The following FOCAD variants were observed in gnomAD, a reference collection of about 807,000 sequenced individuals.
The protein encoded by FOCAD is focadhesin, also known as KIAA1797.
A neutral mutation model predicts 225.6 loss-of-function variants in FOCAD; 198 were observed. The observed-to-expected ratio is 0.88, with a 90% CI of 0.78 to 0.99. The LOEUF is 0.99. FOCAD is among the 50% of genes least tolerant of loss of function. The pLI is 0.00. For missense variants in FOCAD, 2,713 were observed against 2,123.6 expected (o/e 1.28, Z -5.46); for synonymous variants, 897 against 755.0 (o/e 1.19, Z -3.08).
intron 8 of FOCAD, among the ~76,000 whole-genome samples, chr9:20,773,184 C>G (rs1014829544): frequency 2.0e-5 from 3 of 152,120 alleles, no homozygotes; most frequent in Non-Finnish European, 2.9e-5. Context: ...AATTCTCTGA[C>G]CATTTTATTG....
intron 2 of FOCAD, among the ~76,000 whole-genome samples, chr9:20,674,419 T>A (rs1297123166): frequency 6.6e-6 from 1 of 152,110 alleles, no homozygotes; most frequent in Non-Finnish European, 1.5e-5. Context: ...TTCTCCCCTA[T>A]CTCTTTCCAC....
intron 15 of FOCAD, among the ~76,000 whole-genome samples, chr9:20,850,049 T>G (rs1201134537): frequency 6.6e-6 from 1 of 151,846 alleles, no homozygotes; most frequent in Non-Finnish European, 1.5e-5. Context: ...TTCCAATATT[T>G]GTAATATTTA....
In FOCAD at chr9:20,948,947, G is replaced by C; in HGVS notation, c.3876+19G>C. 2 of 1,609,060 alleles carry C rather than the reference G, an allele frequency of 1.2e-6. No homozygotes were observed. Among genetic ancestry groups the C allele is most frequent in the Non-Finnish European group, 1.7e-6 (2 of 1,175,744 alleles). Reference sequence around the variant, plus strand: ...AATGCAGGTAAAGAAAGGAACCATGGAGGGGAAGACATCTAAATATGTACA... The same window carrying C: ...AATGCAGGTAAAGAAAGGAACCATGCAGGGGAAGACATCTAAATATGTACA... On this transcript the variant is annotated intron_variant, in intron 32 of 43. Transcript: ENST00000338382.
intron 42 of FOCAD, among the ~76,000 whole-genome samples, chr9:20,992,634 C>T (rs1385695950): frequency 6.6e-6 from 1 of 152,096 alleles, no homozygotes. Flanking sequence ...ACACAGGAGG[C>T]CCTCTGGGCC....
chr9:20,876,144 A>C (rs1830204160), intron 19 of FOCAD, among the ~76,000 whole-genome samples: 1 of 152,186 alleles, frequency 6.6e-6, no homozygotes, highest in Non-Finnish European at 1.5e-5. Flanking sequence ...CAAGTTAGAC[A>C]AAGAGATCAC....
intron 15 of FOCAD, among the ~76,000 whole-genome samples, chr9:20,841,294 A>G (rs1024823615): frequency 1.3e-5 from 2 of 151,936 alleles, no homozygotes; most frequent in Non-Finnish European, 2.9e-5. Flanking sequence ...TAGTTTAAGT[A>G]GGATTGATTT....
At chr9:20,672,830 T>C (rs1822113323) in intron 2 of FOCAD, among the ~76,000 whole-genome samples, 1 of 152,246 alleles carries the variant, frequency 6.6e-6, no homozygotes, top group Non-Finnish European at 1.5e-5. Context: ...TTTAGCTGGT[T>C]AAACAATCTA....
rs143877817 is a variant in FOCAD at position 20,739,117 on chromosome 9, A to G, written c.288-1119A>G. Among the ~76,000 whole-genome samples, 266 of 152,266 alleles carry G rather than the reference A, an allele frequency of 1.7e-3. 3 individuals carry two copies. The East Asian group carries it at 0.043, about 25-fold the overall frequency. On this transcript the variant is annotated intron_variant, in intron 4 of 43. Coordinates refer to ENST00000338382, the MANE Select transcript of FOCAD (RefSeq NM_001375567.1). ...AAAACCTTAAATGCCATAAAAAAATACACTCAGTAACATCTCACATAAATG... is the reference window on the plus strand; with the variant it reads ...AAAACCTTAAATGCCATAAAAAAATGCACTCAGTAACATCTCACATAAATG...
intron 1 of FOCAD, among the ~76,000 whole-genome samples, chr9:20,699,756 AAAAAAAAAAAAAAAAAAATATAT>A (rs1823719524): frequency 8.4e-5 from 5 of 59,252 alleles, no homozygotes; most frequent in South Asian, 1.3e-3. Context: ...AAAAAAAAAA[AAAAAAAAAAAAAAAAAAATATAT>A]ATATATATAT....
intron 29 of FOCAD, 33 bp downstream of exon 29, chr9:20,944,807 T>C: frequency 6.3e-7 from 1 of 1,578,152 alleles, no homozygotes; most frequent in South Asian, 1.2e-5. Context: ...TTTTCCCCTC[T>C]GCTCTCTTTT....
chr9:20,963,033 T>G (rs1838904505), intron 35 of FOCAD, among the ~76,000 whole-genome samples: 1 of 152,186 alleles, frequency 6.6e-6, no homozygotes, highest in African/African-American at 2.4e-5. Flanking sequence ...TCCTCCAGAA[T>G]GCATGAAACT....
chr9:20,814,687 G>A (rs952203720), intron 11 of FOCAD, among the ~76,000 whole-genome samples: 1 of 151,906 alleles, frequency 6.6e-6, no homozygotes, highest in Non-Finnish European at 1.5e-5. Context: ...TGTTCTATGT[G>A]TATTTTTTTT....
chr9:20,713,125 T>TTA (rs1825007456), intron 1 of FOCAD, among the ~76,000 whole-genome samples: 1 of 152,170 alleles, frequency 6.6e-6, no homozygotes, highest in African/African-American at 2.4e-5. Flanking sequence ...CCCCAAGTGA[T>TTA]TCTATTGAAA....
chr9:20,692,706 G>A (rs150878756), intron 1 of FOCAD, among the ~76,000 whole-genome samples: 76 of 152,248 alleles, frequency 5.0e-4, no homozygotes, highest in Middle Eastern at 3.4e-3. Flanking sequence ...GTTTCTTTAC[G>A]TAGTGGTGTA....
chr9:20,841,227 G>A (rs1826492297), intron 15 of FOCAD, among the ~76,000 whole-genome samples: 1 of 151,850 alleles, frequency 6.6e-6, no homozygotes, highest in Non-Finnish European at 1.5e-5. Context: ...GTATCAGTGT[G>A]ATACTGGCCT....
chr9:20,955,821 A>C (rs1341713671), intron 35 of FOCAD, among the ~76,000 whole-genome samples: 1 of 152,158 alleles, frequency 6.6e-6, no homozygotes, highest in Non-Finnish European at 1.5e-5. Flanking sequence ...TTCATATCTC[A>C]TCAAGATTTT....
intron 5 of FOCAD, among the ~76,000 whole-genome samples, chr9:20,748,369 C>A (rs1162100555): frequency 2.0e-5 from 3 of 151,838 alleles, no homozygotes; most frequent in Non-Finnish European, 4.4e-5. Flanking sequence ...GTAGCAACTA[C>A]CTAAGATATA....
intron 2 of FOCAD, among the ~76,000 whole-genome samples, chr9:20,673,385 T>C (rs919163821): frequency 6.6e-6 from 1 of 152,214 alleles, no homozygotes; most frequent in Non-Finnish European, 1.5e-5. Context: ...TACATTTCCA[T>C]CGACAATGTG....
intron 10 of FOCAD, among the ~76,000 whole-genome samples, chr9:20,786,428 T>C (rs2131150248): frequency 6.6e-6 from 1 of 152,296 alleles, no homozygotes; most frequent in South Asian, 2.1e-4. Flanking sequence ...TCAGCTCTTG[T>C]CTAGAGTCTT....
Sources: allele counts gnomAD v4.1 joint callset (sites outside exome capture counted in the v4.1 genomes callset), GRCh38; gene constraint gnomAD v4.1.1; transcripts MANE v1.5; gene names NCBI Gene and HGNC (gene_info 2026-07-23, HGNC 2026-07-21).